LRRC4C: variants seen among roughly 807,000 people sequenced by gnomAD.
LRRC4C encodes the protein leucine-rich repeat-containing protein 4C.
In LRRC4C, 5 loss-of-function variants were observed where a neutral mutation model predicts 33.6. The ratio of observed to expected loss-of-function variants is 0.15; its 90% CI spans 0.08 to 0.31. The LOEUF (loss-of-function observed/expected upper bound fraction) is 0.31. Among genes scored for constraint, LRRC4C ranks in the 10% least tolerant of loss-of-function variants. LRRC4C has a pLI of 1.00. For missense variants in LRRC4C, 560 were observed against 796.7 expected (o/e 0.70, Z 3.58); for synonymous variants, 329 against 302.0 (o/e 1.09, Z -0.93).
chr11:41,066,741 G>A (rs747276051), intron 1 of LRRC4C, among the ~76,000 whole-genome samples: 4 of 152,202 alleles, frequency 2.6e-5, no homozygotes, highest in African/African-American at 7.2e-5. Context: ...CATGCCAGAA[G>A]AGAGTGGGGG....
chr11:40,807,811 G>C (rs539166799), intron 2 of LRRC4C, among the ~76,000 whole-genome samples: 2 of 152,144 alleles, frequency 1.3e-5, no homozygotes, highest in African/African-American at 4.8e-5. Flanking sequence ...GGGATCTTAA[G>C]ACAAAGCTTT....
chr11:40,947,491 G>C (rs1466583609), intron 1 of LRRC4C, among the ~76,000 whole-genome samples: 1 of 152,118 alleles, frequency 6.6e-6, no homozygotes, highest in Non-Finnish European at 1.5e-5. Context: ...CTATTACCTA[G>C]TGAATCATGA....
chr11:40,665,611 G>A lies in LRRC4C; in HGVS notation c.-406-17333C>T, dbSNP rs72894673. Among the ~76,000 whole-genome samples the A allele has an allele frequency of 3.4e-3, 512 of 151,556 alleles. 1 individual carries two copies. Among genetic ancestry groups the A allele is most frequent in the Non-Finnish European group, 5.8e-3 (396 of 67,866 alleles). On this transcript the variant is annotated intron_variant, in intron 2 of 6. Transcript: ENST00000528697. Reference sequence around the variant, plus strand: ...AGAAGGACAGTTTGAGAAAACTACAGAATGTAGAGAACTGAAAAGAAAACA... The same window carrying A: ...AGAAGGACAGTTTGAGAAAACTACAAAATGTAGAGAACTGAAAAGAAAACA...
intron 3 of LRRC4C, among the ~76,000 whole-genome samples, chr11:40,423,250 A>C (rs4293104): frequency 7.9e-5 from 12 of 152,188 alleles, no homozygotes; most frequent in African/African-American, 2.4e-4. Flanking sequence ...TAGTCATTAC[A>C]CTGCGAATAG....
intron 1 of LRRC4C, among the ~76,000 whole-genome samples, chr11:41,226,776 A>ACACC (rs1224365308): frequency 1.3e-5 from 2 of 149,424 alleles, no homozygotes; most frequent in African/African-American, 5.0e-5. Context: ...ACACACACAC[A>ACACC]CCCTTCTCTC....
chr11:40,255,802 C>G (rs534803845), intron 4 of LRRC4C, among the ~76,000 whole-genome samples: 1 of 152,268 alleles, frequency 6.6e-6, no homozygotes, highest in East Asian at 1.9e-4. Context: ...GGTATAAAAC[C>G]TCATTTGTAT....
chr11:40,315,542 A>G (rs1945533246), intron 4 of LRRC4C, among the ~76,000 whole-genome samples: 2 of 151,972 alleles, frequency 1.3e-5, no homozygotes, highest in Admixed American at 6.5e-5. Context: ...ATATATTCCC[A>G]TATCTATACA....
chr11:40,617,392 C>T (rs1054643149), intron 3 of LRRC4C, among the ~76,000 whole-genome samples: 1 of 151,628 alleles, frequency 6.6e-6, no homozygotes, highest in African/African-American at 2.4e-5. Context: ...CAAATTTACT[C>T]TATTTTCCTA....
rs192800740 is a variant in LRRC4C, at chr11:40,585,035, T to C, written c.-270+63107A>G. On this transcript the variant is annotated intron_variant, in intron 3 of 6. Transcript: ENST00000528697. ...GAGATATGACAGATGGGGATGGTTC[T>C]AGAACAGAGGAAATACCATGTATTG... is the stretch of plus-strand genomic sequence containing the variant. Among the ~76,000 whole-genome samples the C allele has an allele frequency of 6.6e-5, 10 of 152,164 alleles. No individual in the cohort carries two copies. The East Asian group carries it at 1.7e-3, about 26-fold the overall frequency.
At chr11:40,184,533 G>C (rs1279958289) in intron 5 of LRRC4C, among the ~76,000 whole-genome samples, 1 of 152,168 alleles carries the variant, frequency 6.6e-6, no homozygotes, top group Admixed American at 6.5e-5. Context: ...GGAGCCAGGA[G>C]ACTTGTAGAA....
intron 1 of LRRC4C, among the ~76,000 whole-genome samples, chr11:40,946,964 T>G (rs1223942252): frequency 6.6e-6 from 1 of 152,032 alleles, no homozygotes; most frequent in African/African-American, 2.4e-5. Context: ...ACCAAATAGA[T>G]CCCTAAAACT....
At chr11:40,820,264 T>C (rs1293672059) in intron 2 of LRRC4C, among the ~76,000 whole-genome samples, 2 of 152,020 alleles carry the variant, frequency 1.3e-5, no homozygotes, top group African/African-American at 4.8e-5. Context: ...GAAACATTTT[T>C]ACATGATGTA....
At chr11:40,723,723 T>C (rs891237521) in intron 2 of LRRC4C, among the ~76,000 whole-genome samples, 1 of 152,102 alleles carries the variant, frequency 6.6e-6, no homozygotes, top group Non-Finnish European at 1.5e-5. Context: ...AGCAACCAGC[T>C]AACACCATCA....
intron 3 of LRRC4C, among the ~76,000 whole-genome samples, chr11:40,413,348 G>C (rs1336218385): frequency 6.6e-6 from 1 of 152,020 alleles, no homozygotes; most frequent in African/African-American, 2.4e-5. Context: ...GGCCAAATGG[G>C]ATTGTTTTAT....
At chr11:40,861,975 T>A (rs1365850579) in intron 2 of LRRC4C, among the ~76,000 whole-genome samples, 1 of 152,092 alleles carries the variant, frequency 6.6e-6, no homozygotes, top group Non-Finnish European at 1.5e-5. Context: ...AGGTCCCACC[T>A]CTCCTATGGG....
At chr11:40,202,304 G>GTTTTT (rs950934978) in intron 5 of LRRC4C, among the ~76,000 whole-genome samples, 1 of 140,436 alleles carries the variant, frequency 7.1e-6, no homozygotes. Flanking sequence ...TTTTGTTTTT[G>GTTTTT]TTTTTTTTTA....
intron 1 of LRRC4C, among the ~76,000 whole-genome samples, chr11:41,421,403 A>G: frequency 6.6e-6 from 1 of 151,960 alleles, no homozygotes; most frequent in East Asian, 1.9e-4. Context: ...TGTCAGGAAA[A>G]CACTAATTCA....
At chr11:41,255,519 A>T (rs897123125) in intron 1 of LRRC4C, among the ~76,000 whole-genome samples, 10 of 151,998 alleles carry the variant, frequency 6.6e-5, no homozygotes, top group African/African-American at 2.4e-4. Context: ...TAATCCATTG[A>T]CCTTTTAATC....
At chr11:40,748,570 G>A (rs1341731274) in intron 2 of LRRC4C, among the ~76,000 whole-genome samples, 1 of 151,874 alleles carries the variant, frequency 6.6e-6, no homozygotes, top group Admixed American at 6.6e-5. Flanking sequence ...AAGATAAAAA[G>A]AAAGGAACAA....
Sources: allele counts gnomAD v4.1 joint callset (sites outside exome capture counted in the v4.1 genomes callset), GRCh38; gene constraint gnomAD v4.1.1; transcripts MANE v1.5; gene names NCBI Gene and HGNC (gene_info 2026-07-23, HGNC 2026-07-21).